CORO2B: variants seen among roughly 807,000 people sequenced by gnomAD.
The protein encoded by CORO2B is coronin-2B.
In CORO2B, 26 loss-of-function variants were observed where a neutral mutation model predicts 58.8. The observed-to-expected ratio is 0.44, with a 90% CI of 0.32 to 0.61. The LOEUF (loss-of-function observed/expected upper bound fraction) is 0.61, where lower values mean the gene tolerates loss of function less well. Among genes scored for constraint, CORO2B ranks in the 20% least tolerant of loss-of-function variants. The pLI is 0.04. For synonymous variants in CORO2B, 242 were observed against 253.8 expected, an observed-to-expected ratio of 0.95 and a Z score of 0.44; for missense variants, 460 against 645.1, an observed-to-expected ratio of 0.71 and a Z score of 3.11.
At chr15:68,639,546 C>A (rs1004559348) in intron 1 of CORO2B, among the ~76,000 whole-genome samples, 1 of 152,090 alleles carries the variant, frequency 6.6e-6, no homozygotes, top group Admixed American at 6.5e-5. Context: ...GTGGTAGACC[C>A]CAAAACTCCT....
At chr15:68,567,318 A>T in the CORO2B span, among the ~76,000 whole-genome samples, 9 of 152,212 alleles carry the variant, frequency 5.9e-5, no homozygotes, top group African/African-American at 2.2e-4. Flanking sequence ...AAAGCGGCCA[A>T]AGCAAAAGAT....
At chr15:68,624,946 G>T (rs1271541753) in intron 1 of CORO2B, among the ~76,000 whole-genome samples, 4 of 152,190 alleles carry the variant, frequency 2.6e-5, no homozygotes. Flanking sequence ...CTCCCAAAGT[G>T]CTGAGATTAC....
At chr15:68,535,149 C>T in the CORO2B span, among the ~76,000 whole-genome samples, 22 of 152,254 alleles carry the variant, frequency 1.4e-4, no homozygotes, top group East Asian at 9.7e-4. Context: ...TTGCCCACCC[C>T]GAGGAAGGAT....
intron 2 of CORO2B, among the ~76,000 whole-genome samples, chr15:68,660,052 C>G (rs1901964501): frequency 6.6e-6 from 1 of 152,142 alleles, no homozygotes; most frequent in Admixed American, 6.5e-5. Context: ...AGGCAGGCAC[C>G]CTCAGTGTAA....
At chr15:68,610,811 G>A (rs1900230166) in intron 1 of CORO2B, among the ~76,000 whole-genome samples, 1 of 152,152 alleles carries the variant, frequency 6.6e-6, no homozygotes, top group Admixed American at 6.5e-5. Flanking sequence ...TTCACATAGA[G>A]AAACAGAGCA....
intron 1 of CORO2B, among the ~76,000 whole-genome samples, chr15:68,642,529 G>A (rs570584809): frequency 4.9e-4 from 75 of 152,284 alleles, no homozygotes; most frequent in Admixed American, 2.0e-3. Context: ...ACTAGGCTGG[G>A]CTCCCTTCAT....
intron 1 of CORO2B, among the ~76,000 whole-genome samples, chr15:68,603,927 C>T (rs1462905975): frequency 6.6e-6 from 1 of 152,088 alleles, no homozygotes; most frequent in Admixed American, 6.6e-5. Flanking sequence ...GGGAAGAGTG[C>T]CATGTTGTAG....
chr15:68,565,444 T>C, the CORO2B span, among the ~76,000 whole-genome samples: 3 of 151,730 alleles, frequency 2.0e-5, no homozygotes, highest in Non-Finnish European at 4.4e-5. Context: ...CTCTGACTCA[T>C]TTCTGCTCCA....
chr15:68,536,915 G>C, the CORO2B span, among the ~76,000 whole-genome samples: 12 of 152,154 alleles, frequency 7.9e-5, no homozygotes, highest in Non-Finnish European at 1.6e-4. Context: ...CAGCCACCTG[G>C]AGCCAGGAAG....
chr15:68,687,436 G>GATAA (rs1395324590), intron 2 of CORO2B, among the ~76,000 whole-genome samples: 1 of 152,158 alleles, frequency 6.6e-6, no homozygotes, highest in Non-Finnish European at 1.5e-5. Flanking sequence ...ACTGGGTTCA[G>GATAA]ATAAATCCTG....
At chr15:68,656,323 C>CT (rs1470400988) in intron 2 of CORO2B, among the ~76,000 whole-genome samples, 5 of 152,124 alleles carry the variant, frequency 3.3e-5, no homozygotes, top group African/African-American at 4.8e-5. Context: ...CACTTCTTGT[C>CT]TCCCCCCTTT....
chr15:68,561,715 G>T, the CORO2B span, among the ~76,000 whole-genome samples: 1 of 152,238 alleles, frequency 6.6e-6, no homozygotes, highest in African/African-American at 2.4e-5. Flanking sequence ...CTGTTATCGT[G>T]TACAGGACTG....
the CORO2B span, among the ~76,000 whole-genome samples, chr15:68,553,326 C>T: frequency 2.8e-4 from 35 of 126,840 alleles, no homozygotes; most frequent in East Asian, 8.6e-3. Context: ...GAGAGATTAT[C>T]CCAGATTATC....
At chr15:68,660,005 A>G (rs73425151) in intron 2 of CORO2B, among the ~76,000 whole-genome samples, 2,262 of 152,262 alleles carry the variant, frequency 0.015, 63 homozygotes, top group African/African-American at 0.052. Flanking sequence ...TCAGAGGTGG[A>G]AGTGGTGGTG....
chr15:68,563,212 G>A, the CORO2B span, among the ~76,000 whole-genome samples: 17 of 151,912 alleles, frequency 1.1e-4, no homozygotes, highest in South Asian at 2.1e-4. Context: ...GACTGGCCAG[G>A]CACCATGGCT....
At chr15:68,572,396 C>A in the CORO2B span, among the ~76,000 whole-genome samples, 7 of 152,222 alleles carry the variant, frequency 4.6e-5, no homozygotes, top group East Asian at 1.2e-3. Flanking sequence ...TCCTTGTCTT[C>A]GGTGGAAAGA....
intron 2 of CORO2B, among the ~76,000 whole-genome samples, chr15:68,667,565 C>A (rs1902234169): frequency 6.6e-6 from 1 of 152,198 alleles, no homozygotes; most frequent in East Asian, 1.9e-4. Context: ...TGGCCAAAGC[C>A]CCACATCTGC....
chr15:68,647,818 G>A (rs1215080237), intron 2 of CORO2B, among the ~76,000 whole-genome samples: 4 of 150,812 alleles, frequency 2.7e-5, no homozygotes, highest in Non-Finnish European at 5.9e-5. Context: ...GACCAGTCTG[G>A]GCAACATAGT....
At chr15:68,539,935 T>C in the CORO2B span, among the ~76,000 whole-genome samples, 2 of 152,242 alleles carry the variant, frequency 1.3e-5, no homozygotes, top group East Asian at 3.8e-4. Context: ...GGTTAAAGTA[T>C]ATAAAGAAAA....
Sources: gnomAD v4.1 joint callset for allele counts (sites outside exome capture counted in the v4.1 genomes callset) on GRCh38, gnomAD v4.1.1 for gene constraint, MANE v1.5 for transcripts, NCBI Gene and HGNC (gene_info 2026-07-23, HGNC 2026-07-21) for gene names.